TUBA8: variants seen among roughly 807,000 people sequenced by gnomAD.
TUBA8 encodes tubulin alpha 8.
TUBA8 carries 29 observed loss-of-function variants against 34.7 expected under a neutral mutation model. The ratio of observed to expected loss-of-function variants is 0.84; its 90% CI spans 0.62 to 1.14. The LOEUF (loss-of-function observed/expected upper bound fraction) is 1.14, where lower values mean the gene tolerates loss of function less well. Among genes scored for constraint, TUBA8 ranks in the 50% most tolerant of loss-of-function variants. TUBA8 has a pLI of 0.00. For synonymous variants in TUBA8, 226 were observed against 231.2 expected, an observed-to-expected ratio of 0.98 and a Z score of 0.21; for missense variants, 541 against 599.2, an observed-to-expected ratio of 0.90 and a Z score of 1.01.
Position 18,124,461 on chromosome 22 carries a change from T to C in TUBA8, c.375+157T>C. 1 of 841,636 alleles carries C rather than the reference T, an allele frequency of 1.2e-6. No homozygotes were observed. The highest frequency in any genetic ancestry group is 1.8e-6 in the Non-Finnish European group (1 of 556,662). 52.1% of individuals were successfully genotyped at this position (841,636 alleles called of 1,614,324 possible). A position where few individuals can be genotyped will look rare whatever the true frequency, so the allele number is the denominator to read the frequency against. On this transcript the variant is annotated intron_variant, in intron 3 of 4. Transcript: ENST00000330423. The surrounding 1 kb of genome is among the most constrained non-coding windows in gnomAD (Gnocchi z 4.3). ...TTCTGCTTAAATTCTGTAAGAAGCATGCACAGGGGTGATGCCCCTTCCTCT... is the reference window on the plus strand; with the variant it reads ...TTCTGCTTAAATTCTGTAAGAAGCACGCACAGGGGTGATGCCCCTTCCTCT...
At chr22:18,125,867 A>G (rs1928297580) in intron 3 of TUBA8, 2 of 181,430 alleles carry the variant, frequency 1.1e-5, no homozygotes, top group Non-Finnish European at 2.3e-5. Context: ...TTGTCATCCT[A>G]TTAAAAAAAA....
intron 1 of TUBA8, chr22:18,114,962 T>C (rs1354964469): frequency 6.6e-6 from 1 of 151,850 alleles, no homozygotes; most frequent in Non-Finnish European, 1.5e-5. Context: ...AAATAGAATA[T>C]AAGAATGATG....
chr22:18,121,677 A>G lies in TUBA8; in HGVS notation c.202A>G (p.Ile68Val), dbSNP rs776983625. The G allele has an allele frequency of 1.9e-6, 3 of 1,614,210 alleles. No individual in the cohort carries two copies. The highest frequency in any genetic ancestry group is 2.5e-6 in the Non-Finnish European group (3 of 1,180,032). Reference protein sequence around the residue: ...NGKHVPRAVMIDLEPTVVDEV... With the variant: ...NGKHVPRAVMVDLEPTVVDEV... ...GAAGCATGTGCCCCGGGCCGTCATG[A>G]TAGATCTGGAGCCTACTGTAGTGGG... The change falls in exon 2 of 5, where the codon ATA becomes GTA. Residue 68 changes from isoleucine (I) to valine (V), a missense_variant. By Grantham distance (29) the Ile-to-Val change is conservative (BLOSUM62 3). Transcript: ENST00000330423. This position sits in a 1 kb window ranked among gnomAD's most constrained non-coding sequence, Gnocchi z 4.8.
At chr22:18,117,114 A>C (rs980115709) in intron 1 of TUBA8, 1 of 152,094 alleles carries the variant, frequency 6.6e-6, no homozygotes, top group Admixed American at 6.5e-5. Context: ...TACTATGAAA[A>C]ATTTTAAGCC....
chr22:18,115,502 G>T (rs1927939483), intron 1 of TUBA8: 1 of 152,258 alleles, frequency 6.6e-6, no homozygotes, highest in Admixed American at 6.5e-5. Flanking sequence ...CGGTACTGGG[G>T]ATTCCTTGAG....
intron 4 of TUBA8, chr22:18,127,597 G>A (rs1417117097): frequency 1.3e-5 from 2 of 151,068 alleles, no homozygotes; most frequent in East Asian, 2.0e-4. Flanking sequence ...GTTTCACCGT[G>A]TTAGCCAGGA....
At chr22:18,115,046 C>G (rs552736467) in intron 1 of TUBA8, 46 of 152,316 alleles carry the variant, frequency 3.0e-4, no homozygotes, top group African/African-American at 1.1e-3. Context: ...TATTGATGCT[C>G]TGCAAAACAC....
intron 4 of TUBA8, 158 bp from the exon 5 acceptor site, chr22:18,130,685 C>T: frequency 2.2e-6 from 2 of 908,428 alleles, no homozygotes; most frequent in South Asian, 1.5e-5. Flanking sequence ...CTGCTGGCTT[C>T]CCCAGTCCCA....
chr22:18,121,748 C>T lies in TUBA8; in HGVS notation c.226+47C>T, dbSNP rs1407079963. 3 of 1,572,352 alleles carry T rather than the reference C, an allele frequency of 1.9e-6. No individual in the cohort carries two copies. Among genetic ancestry groups the T allele is most frequent in the Non-Finnish European group, 2.6e-6 (3 of 1,145,376 alleles). On this transcript the variant is annotated intron_variant, in intron 2 of 4. Coordinates refer to ENST00000330423, the MANE Select transcript of TUBA8 (RefSeq NM_018943.3). This position sits in a 1 kb window ranked among gnomAD's most constrained non-coding sequence, Gnocchi z 4.8. ...CTCCACAGAGAACATCTCGAAACTG[C>T]AGAGGCATTGGCCCACAGTAGCTAA...
chr22:18,122,972 T>C (rs1403291422), intron 2 of TUBA8: 1 of 150,802 alleles, frequency 6.6e-6, no homozygotes, highest in Admixed American at 6.6e-5. Context: ...TAGCCAGGCG[T>C]GGTGGTGGGC....
At position 18,126,762 on chromosome 22, in the gene TUBA8, T is replaced by G. The variant is rs769194966; in HGVS notation, c.784T>G (p.Tyr262Asp). 1 of 1,614,058 alleles carries G rather than the reference T, an allele frequency of 6.2e-7. No homozygotes were observed. Among genetic ancestry groups the G allele is most frequent in the Non-Finnish European group, 8.5e-7 (1 of 1,180,006 alleles). The change falls in exon 4 of 5, where the codon TAC becomes GAC. Residue 262 changes from tyrosine to aspartate, a missense_variant. Coordinates refer to ENST00000330423, the MANE Select transcript of TUBA8 (RefSeq NM_018943.3). This position sits in a 1 kb window ranked among gnomAD's most constrained non-coding sequence, Gnocchi z 4.0. Reference sequence around the variant, plus strand: ...TGAGTTCCAGACCAACCTGGTGCCCTACCCCCGCATCCACTTCCCGCTGGT... The same window carrying G: ...TGAGTTCCAGACCAACCTGGTGCCCGACCCCCGCATCCACTTCCCGCTGGT... Reference protein sequence around the residue: ...LTEFQTNLVPYPRIHFPLVTY... With the variant: ...LTEFQTNLVPDPRIHFPLVTY...
In TUBA8 at chr22:18,130,972, G is replaced by A. The variant is rs146821364; in HGVS notation, c.1186G>A (p.Asp396Asn). 6 of 1,614,124 alleles carry A rather than the reference G, an allele frequency of 3.7e-6. No individual in the cohort carries two copies. The highest frequency in any genetic ancestry group is 3.4e-6 in the Non-Finnish European group (4 of 1,180,026). Reference sequence around the variant, plus strand: ...CTGGGCCCGCCTCGACCACAAGTTCGACCTCATGTACGCCAAGCGGGCCTT... The same window carrying A: ...CTGGGCCCGCCTCGACCACAAGTTCAACCTCATGTACGCCAAGCGGGCCTT... The part of the protein sequence containing the change: ...EAWARLDHKF[D>N]LMYAKRAFVH... Residue 396 changes from aspartate (D) to asparagine (N), a missense_variant, in exon 5 of 5, where the codon GAC becomes AAC. Asp to Asn is a conservative substitution (Grantham distance 23). Coordinates refer to ENST00000330423, the MANE Select transcript of TUBA8 (RefSeq NM_018943.3).
chr22:18,121,394 T>G lies in TUBA8; in HGVS notation c.4-85T>G. On this transcript the variant is annotated intron_variant, in intron 1 of 4. Coordinates refer to ENST00000330423, the MANE Select transcript of TUBA8 (RefSeq NM_018943.3). This position sits in a 1 kb window ranked among gnomAD's most constrained non-coding sequence, Gnocchi z 4.8. ...ATGGGGGGCTGGGGCCTGGCTGGCC[T>G]GCAAGGTGAATGTTATGGGGATGTA... 7.9e-7 allele frequency: 1 copy of G among 1,272,742 alleles called. No individual in the cohort carries two copies. Among genetic ancestry groups the G allele is most frequent in the South Asian group, 1.2e-5 (1 of 83,616 alleles). The allele number at this position is 1,272,742 out of a possible 1,614,324, so 78.8% of individuals were successfully genotyped here. A position where few individuals can be genotyped will look rare whatever the true frequency, so the allele number is the denominator to read the frequency against.
intron 2 of TUBA8, chr22:18,122,379 A>C (rs1928173170): frequency 6.6e-6 from 1 of 152,550 alleles, no homozygotes. Flanking sequence ...ATGCCTGGAC[A>C]CCAATGTCTA....
At position 18,126,250 on chromosome 22, in the gene TUBA8, C is replaced by CA; in HGVS notation, c.376-97dup. The CA allele has an allele frequency of 5.3e-6, 6 of 1,130,676 alleles. No homozygotes were observed. The highest frequency in any genetic ancestry group is 1.9e-5 in the Admixed American group (1 of 53,808). The allele number at this position is 1,130,676 out of a possible 1,614,324, so 70.0% of individuals were successfully genotyped here. A position where few individuals can be genotyped will look rare whatever the true frequency, so the allele number is the denominator to read the frequency against. On this transcript the variant is annotated intron_variant, in intron 3 of 4. Coordinates refer to ENST00000330423, the MANE Select transcript of TUBA8 (RefSeq NM_018943.3). This position sits in a 1 kb window ranked among gnomAD's most constrained non-coding sequence, Gnocchi z 4.0. ...TTCAAAGCTGTTTTGATTTCATCCA[C>CA]AAAAAAATATGAGGCAGACAGAGTG...
rs1928242614 is a variant in TUBA8 at position 18,124,095 on chromosome 22, T to C, written c.227-61T>C. ...GAACGGAAGGGGTCCTGCGGTAGTG[T>C]GGTAGGGAGGGAGGCTTCTCCCCTG... On this transcript the variant is annotated intron_variant, in intron 2 of 4. Transcript: ENST00000330423. The surrounding 1 kb of genome is among the most constrained non-coding windows in gnomAD (Gnocchi z 4.3). 3.1e-6 allele frequency: 5 copies of C among 1,606,304 alleles called. No homozygotes were observed. In the South Asian group the frequency reaches 4.4e-5, roughly 14 times the overall value.
rs904596115 is a variant in TUBA8 at position 18,121,053 on chromosome 22, T to C, written c.4-426T>C. ...TCCTGAGACTGTGTGTGTGCATGTG[T>C]GCACAATGTCAGAAAGTCAGGGTCA... On this transcript the variant is annotated intron_variant, in intron 1 of 4. Coordinates refer to ENST00000330423, the MANE Select transcript of TUBA8 (RefSeq NM_018943.3). This position sits in a 1 kb window ranked among gnomAD's most constrained non-coding sequence, Gnocchi z 4.8. 2 of 259,832 alleles carry C rather than the reference T, an allele frequency of 7.7e-6. No individual in the cohort carries two copies. Among genetic ancestry groups the C allele is most frequent in the Non-Finnish European group, 1.5e-5 (2 of 131,774 alleles). The allele number at this position is 259,832 out of a possible 1,614,324, so 16.1% of individuals were successfully genotyped here. A position where few individuals can be genotyped will look rare whatever the true frequency, so the allele number is the denominator to read the frequency against.
At chr22:18,116,809 C>G (rs1486379991) in intron 1 of TUBA8, 1 of 152,284 alleles carries the variant, frequency 6.6e-6, no homozygotes, top group Middle Eastern at 3.1e-3. Flanking sequence ...GTGCCTGAGC[C>G]GGGAGCTCGA....
In TUBA8 at chr22:18,111,059, G is replaced by T. The variant is rs921832806; in HGVS notation, c.3+191G>T. Reference sequence around the variant, plus strand: ...ACCCGGTGCCCTTTATCGTATGGGGGAAATAGAGACCAGGGGCCAGTTGTT... The same window carrying T: ...ACCCGGTGCCCTTTATCGTATGGGGTAAATAGAGACCAGGGGCCAGTTGTT... On this transcript the variant is annotated intron_variant, in intron 1 of 4. Coordinates refer to ENST00000330423, the MANE Select transcript of TUBA8 (RefSeq NM_018943.3). This position sits in a 1 kb window ranked among gnomAD's most constrained non-coding sequence, Gnocchi z 5.1. 1 of 786,240 alleles carries T rather than the reference G, an allele frequency of 1.3e-6. No individual in the cohort carries two copies. The highest frequency in any genetic ancestry group is 2.0e-6 in the Non-Finnish European group (1 of 487,980). The allele number at this position is 786,240 out of a possible 1,614,324, so 48.7% of individuals were successfully genotyped here.
Sources: allele counts gnomAD v4.1 joint callset, GRCh38; gene constraint gnomAD v4.1.1; non-coding constraint Gnocchi (gnomAD v3.1); transcripts MANE v1.5; gene names NCBI Gene and HGNC (gene_info 2026-07-23, HGNC 2026-07-21).